Variants in SDK1 observed in about 807,000 individuals in gnomAD.
SDK1 encodes the protein sidekick cell adhesion molecule 1.
A neutral mutation model predicts 245.5 loss-of-function variants in SDK1; 157 were observed. That is an observed-to-expected ratio of 0.64 (90% CI 0.56 to 0.73). SDK1 has a LOEUF of 0.73. Among genes scored for constraint, SDK1 ranks in the 30% least tolerant of loss-of-function variants. The probability of loss-of-function intolerance (pLI) is 0.00; values close to 1 mark genes in which losing one functional copy is unlikely to be tolerated. For synonymous variants in SDK1, 1,647 were observed against 1,278.5 expected (o/e 1.29, Z -6.15); for missense variants, 3,583 against 3,002.3 (o/e 1.19, Z -4.52).
At chr7:3,353,138 T>C (rs1192199876) in intron 1 of SDK1, among the ~76,000 whole-genome samples, 1 of 152,184 alleles carries the variant, frequency 6.6e-6, no homozygotes, top group African/African-American at 2.4e-5. Context: ...CCTGTTATCA[T>C]TGTTCCCTTT....
chr7:3,778,650 T>A (rs1159445953), intron 4 of SDK1, among the ~76,000 whole-genome samples: 1 of 152,260 alleles, frequency 6.6e-6, no homozygotes, highest in Non-Finnish European at 1.5e-5. Flanking sequence ...GAAGTATTTT[T>A]AGATCAAACG....
At chr7:3,495,934 A>T (rs77265882) in intron 1 of SDK1, among the ~76,000 whole-genome samples, 2,540 of 152,324 alleles carry the variant, frequency 0.017, 40 homozygotes, top group Non-Finnish European at 0.027. Flanking sequence ...GCTTCAGTTC[A>T]CAGATTCCAG....
At chr7:4,084,679 A>G (rs757431958) in intron 22 of SDK1, among the ~76,000 whole-genome samples, 1 of 78,342 alleles carries the variant, frequency 1.3e-5, no homozygotes, top group Non-Finnish European at 2.8e-5. Flanking sequence ...ATGTTACGTT[A>G]TGTTATGTTA....
intron 1 of SDK1, among the ~76,000 whole-genome samples, chr7:3,540,245 A>G (rs1779015475): frequency 6.6e-6 from 1 of 152,202 alleles, no homozygotes; most frequent in South Asian, 2.1e-4. Flanking sequence ...CATCACTACT[A>G]AAAATACAAA....
chr7:3,690,562 C>T (rs181324771), intron 4 of SDK1, among the ~76,000 whole-genome samples: 26 of 152,204 alleles, frequency 1.7e-4, no homozygotes, highest in Middle Eastern at 3.4e-3. Context: ...ATAAATCTTG[C>T]GTCGAGTGGC....
chr7:3,852,963 G>C (rs1457278214), intron 5 of SDK1, among the ~76,000 whole-genome samples: 1 of 151,872 alleles, frequency 6.6e-6, no homozygotes, highest in East Asian at 1.9e-4. Context: ...AATTAGCTCT[G>C]TTTTCCTACC....
rs376658628 is a variant in SDK1 at position 3,962,644 on chromosome 7, C to T, written c.1235-13C>T. On this transcript the variant is annotated splice_polypyrimidine_tract_variant and intron_variant, in intron 8 of 44. Transcript: ENST00000404826. Reference sequence around the variant, plus strand: ...TTATTTTTAAAATCCTATTTATTCCCATTCCTACGCAGGGGTCCCCCTTCC... The same window carrying T: ...TTATTTTTAAAATCCTATTTATTCCTATTCCTACGCAGGGGTCCCCCTTCC... 6.3e-6 allele frequency: 10 copies of T among 1,585,702 alleles called. No homozygotes were observed. The highest frequency in any genetic ancestry group is 1.8e-5 in the Admixed American group (1 of 55,914).
At chr7:3,523,089 A>G (rs1782997613) in intron 1 of SDK1, among the ~76,000 whole-genome samples, 1 of 151,560 alleles carries the variant, frequency 6.6e-6, no homozygotes, top group African/African-American at 2.4e-5. Context: ...AAATAAATGT[A>G]AAAAATTTAG....
chr7:4,003,104 G>C (rs1349730514), intron 14 of SDK1, among the ~76,000 whole-genome samples: 1 of 152,234 alleles, frequency 6.6e-6, no homozygotes, highest in Non-Finnish European at 1.5e-5. Context: ...AATCCCAGTG[G>C]CTTTAACCCC....
At chr7:3,535,500 G>A (rs1406579028) in intron 1 of SDK1, among the ~76,000 whole-genome samples, 1 of 152,112 alleles carries the variant, frequency 6.6e-6, no homozygotes, top group Non-Finnish European at 1.5e-5. Flanking sequence ...GACCCAGCCA[G>A]GCTCAGTCAT....
rs2128134095 is a variant in SDK1, at chr7:3,974,295, T to C, written c.1818-74T>C. 2.2e-6 allele frequency: 3 copies of C among 1,358,098 alleles called. No homozygotes were observed. In the South Asian group the frequency reaches 4.2e-5, roughly 19 times the overall value. 84.1% of individuals were successfully genotyped at this position (1,358,098 alleles called of 1,614,324 possible). A position where few individuals can be genotyped will look rare whatever the true frequency, so the allele number is the denominator to read the frequency against. ...CACAAGATTGTTAGTTGCTTGCTTT[T>C]TAAGAGACAGGGAAGGAGCAGTGAT... On this transcript the variant is annotated intron_variant, in intron 12 of 44. Coordinates refer to ENST00000404826, the MANE Select transcript of SDK1 (RefSeq NM_152744.4).
At chr7:3,458,363 G>A (rs1168986208) in intron 1 of SDK1, among the ~76,000 whole-genome samples, 1 of 152,030 alleles carries the variant, frequency 6.6e-6, no homozygotes, top group Non-Finnish European at 1.5e-5. Context: ...TAAGTGCCTA[G>A]AGCACTGTTT....
chr7:3,953,684 C>G lies in SDK1; in HGVS notation c.1150+1764C>G, dbSNP rs536081181. 5.9e-5 allele frequency among the ~76,000 whole-genome samples: 9 copies of G among 152,304 alleles called. No individual in the cohort carries two copies. The East Asian group carries it at 1.5e-3, about 26-fold the overall frequency. On this transcript the variant is annotated intron_variant, in intron 7 of 44. Transcript: ENST00000404826. ...GAGAATGTTTGTTTCGATCATCATTCCTTTTTAAAATATTTAAATCTATCT... is the reference window on the plus strand; with the variant it reads ...GAGAATGTTTGTTTCGATCATCATTGCTTTTTAAAATATTTAAATCTATCT...
intron 1 of SDK1, among the ~76,000 whole-genome samples, chr7:3,400,217 C>G (rs1258763982): frequency 6.6e-6 from 1 of 152,038 alleles, no homozygotes; most frequent in Non-Finnish European, 1.5e-5. Context: ...ATGGAGTAGA[C>G]CAAGTTAAAA....
At chr7:4,051,268 A>C (rs1789457227) in intron 18 of SDK1, among the ~76,000 whole-genome samples, 2 of 144,834 alleles carry the variant, frequency 1.4e-5, no homozygotes, top group South Asian at 4.2e-4. Context: ...ATATATATAT[A>C]ATATATACTT....
intron 4 of SDK1, among the ~76,000 whole-genome samples, chr7:3,766,737 A>G (rs940234621): frequency 1.3e-5 from 2 of 152,230 alleles, no homozygotes; most frequent in African/African-American, 4.8e-5. Context: ...AGAAATAGGA[A>G]CAAATGATGA....
At chr7:3,892,840 C>T (rs1020796776) in intron 5 of SDK1, among the ~76,000 whole-genome samples, 12 of 152,164 alleles carry the variant, frequency 7.9e-5, no homozygotes, top group Non-Finnish European at 1.2e-4. Context: ...CTGCAGCAAG[C>T]CACTTTCCCT....
intron 5 of SDK1, among the ~76,000 whole-genome samples, chr7:3,891,227 G>A (rs904987022): frequency 9.2e-5 from 14 of 152,160 alleles, no homozygotes; most frequent in African/African-American, 3.1e-4. Context: ...TCAAGGACCC[G>A]TAGGCTGGGA....
At chr7:4,071,134 C>A (rs966945743) in intron 20 of SDK1, among the ~76,000 whole-genome samples, 4 of 152,096 alleles carry the variant, frequency 2.6e-5, no homozygotes, top group African/African-American at 9.7e-5. Context: ...AAATGATTCT[C>A]CTGCCTTAGC....
Sources: allele counts gnomAD v4.1 joint callset (sites outside exome capture counted in the v4.1 genomes callset), GRCh38; gene constraint gnomAD v4.1.1; transcripts MANE v1.5; gene names NCBI Gene and HGNC (gene_info 2026-07-23, HGNC 2026-07-21).